DYM: variants seen among roughly 807,000 people sequenced by gnomAD.
DYM encodes dyggve-Melchior-Clausen syndrome protein.
In DYM, 78 loss-of-function variants were observed where a neutral mutation model predicts 93.1. That is an observed-to-expected ratio of 0.84 (90% CI 0.70 to 1.01). The LOEUF (loss-of-function observed/expected upper bound fraction) is 1.01. Ranked by LOEUF, DYM falls within the 50% of genes least tolerant of loss-of-function variation. The probability of loss-of-function intolerance (pLI) is 0.00; values close to 1 mark genes in which losing one functional copy is unlikely to be tolerated. For synonymous variants in DYM, 321 were observed against 319.7 expected (o/e 1.00, Z -0.04); for missense variants, 789 against 845.0 (o/e 0.93, Z 0.82).
At chr18:49,166,986 TTCCGTGTGTGTGTGTG>T (rs2087959188) in intron 14 of DYM, among the ~76,000 whole-genome samples, 1 of 107,218 alleles carries the variant, frequency 9.3e-6, no homozygotes, top group South Asian at 3.5e-4. Flanking sequence ...CATTCTCACA[TTCCGTGTGTGTGTGTG>T]TGTGTGTGTG....
intron 8 of DYM, among the ~76,000 whole-genome samples, chr18:49,288,964 G>A (rs1029792775): frequency 1.3e-5 from 2 of 152,052 alleles, no homozygotes; most frequent in African/African-American, 4.8e-5. Context: ...CCGACCTAGG[G>A]AAGTATACAA....
At chr18:49,220,830 A>C (rs1005085876) in intron 13 of DYM, among the ~76,000 whole-genome samples, 3 of 152,240 alleles carry the variant, frequency 2.0e-5, no homozygotes, top group African/African-American at 2.4e-5. Flanking sequence ...AATACCATTC[A>C]GGACATAGGC....
chr18:49,275,689 C>G (rs942666430), intron 10 of DYM, among the ~76,000 whole-genome samples: 1 of 152,024 alleles, frequency 6.6e-6, no homozygotes, highest in Non-Finnish European at 1.5e-5. Context: ...CCAGCCTGGG[C>G]AACATAGCAA....
chr18:49,190,531 A>C (rs1389079728), intron 14 of DYM, among the ~76,000 whole-genome samples: 1 of 152,202 alleles, frequency 6.6e-6, no homozygotes, highest in Non-Finnish European at 1.5e-5. Context: ...GTTATAATTA[A>C]TAGGGTCTTG....
chr18:49,254,051 T>G (rs531238250), intron 13 of DYM, among the ~76,000 whole-genome samples: 22 of 152,094 alleles, frequency 1.4e-4, no homozygotes, highest in African/African-American at 4.8e-4. Context: ...GTCCCTCTCT[T>G]GTTTTGCTTT....
intron 1 of DYM, among the ~76,000 whole-genome samples, chr18:49,455,694 G>A (rs1487011750): frequency 2.0e-5 from 3 of 152,186 alleles, no homozygotes; most frequent in Non-Finnish European, 4.4e-5. Context: ...GCTCCTGTCT[G>A]TAATCCCAGC....
At chr18:49,182,648 T>C (rs1339662751) in intron 14 of DYM, among the ~76,000 whole-genome samples, 3 of 152,172 alleles carry the variant, frequency 2.0e-5, no homozygotes, top group Non-Finnish European at 4.4e-5. Context: ...TTTGCTATAG[T>C]TTTCCATTTG....
Position 49,167,432 on chromosome 18 carries a change from C to T in DYM, c.1626-3645G>A, listed in dbSNP as rs1475304931. Among the ~76,000 whole-genome samples the T allele has an allele frequency of 3.3e-5, 5 of 152,066 alleles. No homozygotes were observed. In the East Asian group the frequency reaches 5.8e-4, roughly 18 times the overall value. On this transcript the variant is annotated intron_variant, in intron 14 of 17. Transcript: ENST00000675505. The stretch of plus-strand genomic sequence containing the variant: ...TTTGAGGTCACATTCAGCTCTCCAT[C>T]GAAGAGAAACAGAGAATTCACACTT...
In DYM at chr18:49,352,314, T is replaced by C. The variant is rs146005240; in HGVS notation, c.494+10847A>G. Among the ~76,000 whole-genome samples the C allele has an allele frequency of 3.4e-3, 525 of 152,326 alleles. 4 individuals are homozygous for C. The highest frequency in any genetic ancestry group is 0.012 in the African/African-American group (487 of 41,568). ...TGATGGTTGTACAATTTTGTGAATA[T>C]ACTAAAATCAATTAATTGTAGAAGT... On this transcript the variant is annotated intron_variant, in intron 6 of 17. Coordinates refer to ENST00000675505, the MANE Select transcript of DYM (RefSeq NM_001353214.3).
chr18:49,330,650 T>C (rs1460962609), intron 8 of DYM, among the ~76,000 whole-genome samples: 1 of 152,234 alleles, frequency 6.6e-6, no homozygotes, highest in Non-Finnish European at 1.5e-5. Context: ...AAAAAACCTC[T>C]AACCATATTG....
At chr18:49,256,925 A>G in intron 13 of DYM, 85 bp downstream of exon 13, 1 of 1,141,418 alleles carries the variant, frequency 8.8e-7, no homozygotes, top group East Asian at 2.5e-5. Context: ...CCTCACAGGT[A>G]ACATTTAAAA....
intron 8 of DYM, among the ~76,000 whole-genome samples, chr18:49,312,177 T>G (rs757174498): frequency 1.3e-5 from 2 of 152,132 alleles, no homozygotes; most frequent in Non-Finnish European, 2.9e-5. Flanking sequence ...GAACAGAGGC[T>G]GTGAGAGCAG....
At chr18:49,289,279 A>G (rs1185822305) in intron 8 of DYM, among the ~76,000 whole-genome samples, 5 of 152,012 alleles carry the variant, frequency 3.3e-5, no homozygotes, top group Non-Finnish European at 5.9e-5. Flanking sequence ...AAGAATATTC[A>G]TTTGACCATT....
chr18:49,135,191 T>C (rs2083724574), intron 15 of DYM, among the ~76,000 whole-genome samples: 1 of 152,138 alleles, frequency 6.6e-6, no homozygotes, highest in South Asian at 2.1e-4. Flanking sequence ...AAATGACTAT[T>C]TCCACTTGGA....
At chr18:49,073,704 T>C (rs1038044634) in intron 17 of DYM, among the ~76,000 whole-genome samples, 5 of 152,160 alleles carry the variant, frequency 3.3e-5, no homozygotes, top group African/African-American at 1.2e-4. Context: ...CTGAGGCTAA[T>C]TTCACCCACC....
chr18:49,357,616 G>A (rs1568310067), intron 6 of DYM, among the ~76,000 whole-genome samples: 1 of 152,158 alleles, frequency 6.6e-6, no homozygotes, highest in African/African-American at 2.4e-5. Flanking sequence ...TAGATGCTGA[G>A]AAACAAACAA....
intron 8 of DYM, among the ~76,000 whole-genome samples, chr18:49,301,522 GAA>G (rs1184317921): frequency 1.7e-4 from 8 of 46,378 alleles, no homozygotes; most frequent in Non-Finnish European, 3.1e-4. Flanking sequence ...CTCCGTCTCA[GAA>G]AAAAAAAAAA....
At chr18:49,267,664 C>A (rs1380607475) in intron 11 of DYM, among the ~76,000 whole-genome samples, 1 of 152,242 alleles carries the variant, frequency 6.6e-6, no homozygotes, top group South Asian at 2.1e-4. Context: ...GAGGCCAAGG[C>A]GGCTGGATCA....
At chr18:49,442,224 T>C (rs2081700095) in intron 1 of DYM, among the ~76,000 whole-genome samples, 1 of 152,112 alleles carries the variant, frequency 6.6e-6, no homozygotes, top group Admixed American at 6.6e-5. Flanking sequence ...ATTAGACTTG[T>C]GAGTAAAGCC....
Sources: allele counts gnomAD v4.1 joint callset (sites outside exome capture counted in the v4.1 genomes callset), GRCh38; gene constraint gnomAD v4.1.1; transcripts MANE v1.5; gene names NCBI Gene and HGNC (gene_info 2026-07-23, HGNC 2026-07-21).